POLN: variants seen among roughly 807,000 people sequenced by gnomAD.
POLN encodes the protein DNA polymerase N.
Under a neutral mutation model 113.5 loss-of-function variants are expected in POLN, and 108 were observed. The observed-to-expected ratio is 0.95, with a 90% CI of 0.81 to 1.12. The LOEUF (loss-of-function observed/expected upper bound fraction) is 1.12. POLN is among the 50% of genes most tolerant of loss of function. The probability of loss-of-function intolerance (pLI) is 0.00; values close to 1 mark genes in which losing one functional copy is unlikely to be tolerated. For missense variants in POLN, 1,097 were observed against 1,077.1 expected (o/e 1.02, Z -0.26); for synonymous variants, 386 against 391.5 (o/e 0.99, Z 0.17).
intron 13 of POLN, among the ~76,000 whole-genome samples, chr4:2,160,417 T>G (rs886437421): frequency 6.6e-6 from 1 of 151,642 alleles, no homozygotes; most frequent in African/African-American, 2.4e-5. Flanking sequence ...AACTTTTAAT[T>G]TTTTTTTTAC....
intron 7 of POLN, among the ~76,000 whole-genome samples, chr4:2,184,315 C>T (rs1051898085): frequency 1.3e-5 from 2 of 151,062 alleles, no homozygotes; most frequent in Non-Finnish European, 2.9e-5. Context: ...GACCAAGTCA[C>T]TAATTAGGGA....
intron 4 of POLN, among the ~76,000 whole-genome samples, chr4:2,212,033 C>A (rs1248797837): frequency 6.6e-6 from 1 of 152,078 alleles, no homozygotes; most frequent in Admixed American, 6.5e-5. Context: ...AACCCAGGGG[C>A]AAATAATCAT....
At chr4:2,145,206 C>T (rs557500965) in intron 16 of POLN, among the ~76,000 whole-genome samples, 10 of 149,092 alleles carry the variant, frequency 6.7e-5, no homozygotes, top group South Asian at 2.1e-4. Flanking sequence ...ACATTATAGG[C>T]GAAAAAAAAA....
chr4:2,102,140 C>T (rs926256549), intron 19 of POLN, among the ~76,000 whole-genome samples: 1 of 152,162 alleles, frequency 6.6e-6, no homozygotes, highest in African/African-American at 2.4e-5. Flanking sequence ...TGGGGATTGC[C>T]ATGCCCTCCC....
chr4:2,201,074 T>C (rs1481392501), intron 5 of POLN, among the ~76,000 whole-genome samples: 2 of 151,950 alleles, frequency 1.3e-5, no homozygotes, highest in African/African-American at 4.8e-5. Context: ...GAGACCATCC[T>C]GGCTAACATG....
At chr4:2,224,420 A>G (rs1193557626) in intron 3 of POLN, among the ~76,000 whole-genome samples, 1 of 152,216 alleles carries the variant, frequency 6.6e-6, no homozygotes, top group African/African-American at 2.4e-5. Context: ...AAATAATGAT[A>G]AAAAGTATAT....
At chr4:2,108,633 T>C (rs61489925) in intron 19 of POLN, among the ~76,000 whole-genome samples, 1,724 of 151,990 alleles carry the variant, frequency 0.011, 37 homozygotes, top group African/African-American at 0.04. Flanking sequence ...CCCATTAAAA[T>C]TGAAGAATAC....
At chr4:2,138,800 G>C (rs1484284623) in intron 16 of POLN, among the ~76,000 whole-genome samples, 1 of 151,982 alleles carries the variant, frequency 6.6e-6, no homozygotes, top group Non-Finnish European at 1.5e-5. Flanking sequence ...TACTCGGGAG[G>C]CTGAGCTACT....
At chr4:2,107,632 G>A (rs1239249993) in intron 19 of POLN, among the ~76,000 whole-genome samples, 4 of 152,166 alleles carry the variant, frequency 2.6e-5, no homozygotes, top group Admixed American at 1.3e-4. Context: ...GTGGAAACGC[G>A]AAGAGAGAAA....
Position 2,093,083 on chromosome 4 carries a change from T to C in POLN, c.2065+2768A>G, listed in dbSNP as rs1284712734. On this transcript the variant is annotated intron_variant, in intron 20 of 25. Transcript: ENST00000511885. This position sits in a 1 kb window ranked among gnomAD's most constrained non-coding sequence, Gnocchi z 4.1. ...TCAGTGCTTATTTACAAAATGTAGCTCTTTTCCTCTCCAGAAAAAAAAAAA... is the reference window on the plus strand; with the variant it reads ...TCAGTGCTTATTTACAAAATGTAGCCCTTTTCCTCTCCAGAAAAAAAAAAA... Among the ~76,000 whole-genome samples the C allele has an allele frequency of 6.6e-6, 1 of 151,532 alleles. No individual in the cohort carries two copies. Among genetic ancestry groups the C allele is most frequent in the African/African-American group, 2.4e-5 (1 of 40,940 alleles).
At chr4:2,085,150 G>A (rs1470191225) in intron 21 of POLN, among the ~76,000 whole-genome samples, 1 of 152,074 alleles carries the variant, frequency 6.6e-6, no homozygotes, top group African/African-American at 2.4e-5. Flanking sequence ...CTTCCAAATA[G>A]GTAGGTGGAA....
chr4:2,217,086 C>G (rs1468908647), intron 3 of POLN, among the ~76,000 whole-genome samples: 2 of 152,186 alleles, frequency 1.3e-5, no homozygotes, highest in Non-Finnish European at 2.9e-5. Context: ...CCACAGATCC[C>G]TCCACATGCC....
chr4:2,213,561 G>T (rs912049026), intron 3 of POLN, among the ~76,000 whole-genome samples: 5 of 152,296 alleles, frequency 3.3e-5, no homozygotes, highest in Middle Eastern at 3.4e-3. Flanking sequence ...CAATAAGCCT[G>T]GGCTGAACAG....
chr4:2,232,196 T>G, intron 2 of POLN: 1 of 952,736 alleles, frequency 1.0e-6, no homozygotes, highest in Middle Eastern at 3.1e-4. Context: ...ATTAAAACAC[T>G]TTATTCCTAA....
At chr4:2,224,910 A>C (rs1053127401) in intron 3 of POLN, among the ~76,000 whole-genome samples, 1 of 152,034 alleles carries the variant, frequency 6.6e-6, no homozygotes, top group African/African-American at 2.4e-5. Context: ...AGATTGCACC[A>C]CTGCACTCCA....
At chr4:2,161,804 A>T (rs1732600161) in intron 13 of POLN, among the ~76,000 whole-genome samples, 1 of 152,122 alleles carries the variant, frequency 6.6e-6, no homozygotes, top group African/African-American at 2.4e-5. Context: ...GGCACTCTGT[A>T]TCTAGCTCAA....
chr4:2,207,036 G>A (rs1016990194), intron 5 of POLN, among the ~76,000 whole-genome samples: 1 of 152,054 alleles, frequency 6.6e-6, no homozygotes, highest in Non-Finnish European at 1.5e-5. Flanking sequence ...AAGAAACTGT[G>A]GTATATACAT....
At position 2,143,255 on chromosome 4, in the gene POLN, T is replaced by A. The variant is rs890698548; in HGVS notation, c.1732-11965A>T. 8.5e-5 allele frequency among the ~76,000 whole-genome samples: 5 copies of A among 59,110 alleles called. No individual in the cohort carries two copies. The East Asian group carries it at 1.7e-3, about 20-fold the overall frequency. The allele number at this position is 59,110 out of a possible 152,430, so 38.8% of individuals were successfully genotyped here. A position where few individuals can be genotyped will look rare whatever the true frequency, so the allele number is the denominator to read the frequency against. Reference sequence around the variant, plus strand: ...AATCGATAAATTGAAAATAGAAAAATAGTAGAGAAAATCAATGAAAAGATC... The same window carrying A: ...AATCGATAAATTGAAAATAGAAAAAAAGTAGAGAAAATCAATGAAAAGATC... On this transcript the variant is annotated intron_variant, in intron 16 of 25. Coordinates refer to ENST00000511885, the MANE Select transcript of POLN (RefSeq NM_181808.4).
At chr4:2,214,009 G>C (rs1367011410) in intron 3 of POLN, among the ~76,000 whole-genome samples, 1 of 152,208 alleles carries the variant, frequency 6.6e-6, no homozygotes, top group African/African-American at 2.4e-5. Flanking sequence ...GCTGAGGTGG[G>C]TGGATCACCT....
Sources: allele counts gnomAD v4.1 joint callset (sites outside exome capture counted in the v4.1 genomes callset), GRCh38; gene constraint gnomAD v4.1.1; non-coding constraint Gnocchi (gnomAD v3.1); transcripts MANE v1.5; gene names NCBI Gene and HGNC (gene_info 2026-07-23, HGNC 2026-07-21).